PRTG: variants seen among roughly 807,000 people sequenced by gnomAD.
The protein encoded by PRTG is immunoglobulin superfamily, DCC subclass, member 5.
PRTG carries 67 observed loss-of-function variants against 122.5 expected under a neutral mutation model. The observed-to-expected ratio is 0.55, with a 90% CI of 0.45 to 0.67. PRTG has a LOEUF of 0.67. PRTG is among the 30% of genes least tolerant of loss of function. The pLI, the probability that PRTG is intolerant of heterozygous loss-of-function variation, is 0.00. For missense variants in PRTG, 1,435 were observed against 1,415.4 expected, an observed-to-expected ratio of 1.01 and a Z score of -0.22; for synonymous variants, 554 against 501.1, an observed-to-expected ratio of 1.11 and a Z score of -1.41.
intron 2 of PRTG, among the ~76,000 whole-genome samples, chr15:55,712,669 CT>C (rs1342492612): frequency 2.0e-5 from 3 of 152,148 alleles, no homozygotes; most frequent in African/African-American, 7.2e-5. Flanking sequence ...AGATATAGCT[CT>C]AATTTTTCAA....
chr15:55,707,725 A>T (rs905228817), intron 2 of PRTG, among the ~76,000 whole-genome samples: 8 of 152,228 alleles, frequency 5.3e-5, no homozygotes, highest in African/African-American at 1.9e-4. Flanking sequence ...CAGAGAGGTT[A>T]ACTGATAGAA....
At chr15:55,742,759 T>G in intron 1 of PRTG, 79 bp downstream of exon 1, 1 of 1,504,188 alleles carries the variant, frequency 6.6e-7, no homozygotes, top group Non-Finnish European at 9.0e-7. Flanking sequence ...CCACGCCCCA[T>G]CGTTTCCTCT....
chr15:55,644,265 T>C (rs1401720678), intron 11 of PRTG, among the ~76,000 whole-genome samples: 1 of 152,198 alleles, frequency 6.6e-6, no homozygotes, highest in Admixed American at 6.5e-5. Context: ...AGATGTGTCC[T>C]CAAAGTAGAT....
At chr15:55,711,199 G>T (rs2030374389) in intron 2 of PRTG, among the ~76,000 whole-genome samples, 1 of 151,784 alleles carries the variant, frequency 6.6e-6, no homozygotes, top group Admixed American at 6.6e-5. Flanking sequence ...TGAGATTACA[G>T]GCGTGAGCCA....
chr15:55,736,927 C>T (rs1350832645), intron 2 of PRTG, among the ~76,000 whole-genome samples: 1 of 152,186 alleles, frequency 6.6e-6, no homozygotes, highest in African/African-American at 2.4e-5. Flanking sequence ...AACCCGCCTC[C>T]TCCTTTACTT....
Position 55,680,541 on chromosome 15 carries a change from T to C in PRTG, c.764A>G (p.Glu255Gly). ...TTTGGGATTTCCTGTGGCCATGCAT[T>C]CCAAAACTACAGTCTGATGAAGAGA... ...TTSLHQTVVL[E>G]CMATGNPKPI... Residue 255 changes from glutamate (E) to glycine (G), a missense_variant, in exon 5 of 20, where the codon GAA (glutamate) becomes GGA (glycine). By Grantham distance (98) the Glu-to-Gly change is moderately conservative. Coordinates refer to ENST00000389286, the MANE Select transcript of PRTG (RefSeq NM_173814.6). 1 of 1,603,206 alleles carries C rather than the reference T, an allele frequency of 6.2e-7. No individual in the cohort carries two copies. The highest frequency in any genetic ancestry group is 2.2e-5 in the East Asian group (1 of 44,574).
At chr15:55,655,397 C>T (rs1489265260) in intron 11 of PRTG, 3 of 152,018 alleles carry the variant, frequency 2.0e-5, no homozygotes, top group Non-Finnish European at 4.4e-5. Context: ...TAGAATTAAA[C>T]CAAAAAGATT....
intron 2 of PRTG, 60 bp downstream of exon 2, chr15:55,740,322 C>T: frequency 6.9e-7 from 1 of 1,447,180 alleles, no homozygotes. Flanking sequence ...ATTAATAAAG[C>T]AAGAAATCAT....
rs746995763 is a variant in PRTG at position 55,675,711 on chromosome 15, T to G, written c.1382-28A>C. ...AAATTAAAGAATCCATGTTTTAAAA[T>G]GACAGATATTCAAAATAAAATTAAC... On this transcript the variant is annotated intron_variant, in intron 8 of 19. Transcript: ENST00000389286. 6.4e-6 allele frequency: 9 copies of G among 1,408,262 alleles called. No individual in the cohort carries two copies. In the East Asian group the frequency reaches 2.0e-4, roughly 32 times the overall value. The allele number at this position is 1,408,262 out of a possible 1,614,324, so 87.2% of individuals were successfully genotyped here.
chr15:55,620,187 C>T lies in PRTG; in HGVS notation c.3278G>A (p.Ser1093Asn). 6.2e-7 allele frequency: 1 copy of T among 1,614,162 alleles called. No homozygotes were observed. The highest frequency in any genetic ancestry group is 8.5e-7 in the Non-Finnish European group (1 of 1,180,024). The change falls in exon 20 of 20, where the codon AGC becomes AAC. Residue 1093 changes from serine (S) to asparagine (N), a missense_variant. Ser to Asn is a conservative substitution (Grantham distance 46). Coordinates refer to ENST00000389286, the MANE Select transcript of PRTG (RefSeq NM_173814.6). ...GAAGCTGGTTGTCTGACCTGGGGAG[C>T]TAGGGGAGTCTTCATCACTGATTAA... ...TVLISDEDSP[S>N]SPGQTTSFSR...
intron 11 of PRTG, among the ~76,000 whole-genome samples, chr15:55,666,032 G>C (rs1260169655): frequency 1.3e-5 from 2 of 152,214 alleles, no homozygotes; most frequent in African/African-American, 4.8e-5. Context: ...ACTTGTGAAA[G>C]AGACTATATG....
rs190142819 is a variant in PRTG at position 55,709,529 on chromosome 15, G to A, written c.398-25598C>T. ...CCAAACCAGGCATTTCAACTCTTAG[G>A]TATCTACCCAAGTGAAATTAGTTCA... On this transcript the variant is annotated intron_variant, in intron 2 of 19. Transcript: ENST00000389286. 9.2e-4 allele frequency among the ~76,000 whole-genome samples: 139 copies of A among 151,854 alleles called. 1 individual carries two copies. Among genetic ancestry groups the A allele is most frequent in the African/African-American group, 3.2e-3 (133 of 41,418 alleles).
At chr15:55,701,970 G>A (rs979881166) in intron 2 of PRTG, among the ~76,000 whole-genome samples, 8 of 152,052 alleles carry the variant, frequency 5.3e-5, no homozygotes, top group South Asian at 2.1e-4. Context: ...CTGAGAGACC[G>A]TTTTGGGATG....
At chr15:55,660,466 C>T (rs934307390) in intron 11 of PRTG, among the ~76,000 whole-genome samples, 5 of 152,248 alleles carry the variant, frequency 3.3e-5, no homozygotes, top group African/African-American at 4.8e-5. Flanking sequence ...TGAGGGCTGA[C>T]GTGCAGTATG....
intron 4 of PRTG, 56 bp from the exon 5 acceptor site, chr15:55,680,684 T>A: frequency 8.6e-7 from 1 of 1,158,096 alleles, no homozygotes; most frequent in Non-Finnish European, 1.2e-6. Context: ...ATATAATAAG[T>A]GAAATTAGTG....
At position 55,645,421 on chromosome 15, in the gene PRTG, G is replaced by A. The variant is rs1303720152; in HGVS notation, c.2042-4213C>T. On this transcript the variant is annotated intron_variant, in intron 11 of 19. Transcript: ENST00000389286. ...TGCACTCCAGCCTGGGCGACAGAGC[G>A]AAACTCCGTCTCAAAAAAAAAAAAA... is the stretch of plus-strand genomic sequence containing the variant. Among the ~76,000 whole-genome samples, 9 of 21,700 alleles carry A rather than the reference G, an allele frequency of 4.1e-4. No individual in the cohort carries two copies. The East Asian group carries it at 0.024, about 57-fold the overall frequency. 14.2% of individuals were successfully genotyped at this position (21,700 alleles called of 152,430 possible).
intron 2 of PRTG, among the ~76,000 whole-genome samples, chr15:55,740,051 A>C (rs2031558949): frequency 6.6e-6 from 1 of 152,232 alleles, no homozygotes; most frequent in Non-Finnish European, 1.5e-5. Flanking sequence ...CATAAGATTA[A>C]ATTTTAGAAC....
intron 1 of PRTG, among the ~76,000 whole-genome samples, chr15:55,741,892 A>G (rs1193558990): frequency 1.3e-5 from 2 of 152,188 alleles, no homozygotes; most frequent in Non-Finnish European, 2.9e-5. Context: ...TTTCAAGCCT[A>G]ACAGAAACTA....
chr15:55,635,074 G>GTGAGTGTGTGT (rs1567076962), intron 15 of PRTG, among the ~76,000 whole-genome samples: 5 of 135,338 alleles, frequency 3.7e-5, no homozygotes, highest in Non-Finnish European at 7.9e-5. Flanking sequence ...GTTGGTTCTG[G>GTGAGTGTGTGT]GTGTGTGTGT....
Sources: gnomAD v4.1 joint callset for allele counts (sites outside exome capture counted in the v4.1 genomes callset) on GRCh38, gnomAD v4.1.1 for gene constraint, MANE v1.5 for transcripts, NCBI Gene and HGNC (gene_info 2026-07-23, HGNC 2026-07-21) for gene names.